Variants in ITSN2 observed in about 807,000 individuals in gnomAD.
ITSN2 encodes intersectin 2, also known as intersectin-2.
A neutral mutation model predicts 243.7 loss-of-function variants in ITSN2; 156 were observed. That is an observed-to-expected ratio of 0.64 (90% CI 0.56 to 0.73). The LOEUF is 0.73. Ranked by LOEUF, ITSN2 falls within the 30% of genes least tolerant of loss-of-function variation. The probability of loss-of-function intolerance (pLI) is 0.00; values close to 1 mark genes in which losing one functional copy is unlikely to be tolerated. For synonymous variants in ITSN2, 703 were observed against 699.9 expected, an observed-to-expected ratio of 1.00 and a Z score of -0.07; for missense variants, 1,801 against 1,996.1, an observed-to-expected ratio of 0.90 and a Z score of 1.86.
intron 10 of ITSN2, 22 bp downstream of exon 10, chr2:24,301,943 C>A: frequency 6.3e-7 from 1 of 1,591,422 alleles, no homozygotes; most frequent in Non-Finnish European, 8.6e-7. Flanking sequence ...AACCATAGTT[C>A]TCCACCTCCA....
At chr2:24,304,770 G>A (rs904785552) in intron 8 of ITSN2, among the ~76,000 whole-genome samples, 4 of 151,828 alleles carry the variant, frequency 2.6e-5, no homozygotes, top group African/African-American at 9.7e-5. Context: ...ACAGAAGAGA[G>A]AAGGAGGAGG....
At chr2:24,334,867 T>C (rs1686177910) in intron 1 of ITSN2, 3 of 541,446 alleles carry the variant, frequency 5.5e-6, no homozygotes, top group East Asian at 8.5e-5. Flanking sequence ...ATCGAGACCA[T>C]CCTGGCTAAC....
rs1397785004 is a variant in ITSN2, at chr2:24,216,114, G to A, written c.3925C>T (p.Leu1309Phe). The change falls in exon 32 of 40, where the codon CTT becomes TTT. Residue 1309 changes from leucine (L) to phenylalanine (F), a missense_variant. Leu to Phe is a conservative substitution (Grantham distance 22). Coordinates refer to ENST00000355123, the MANE Select transcript of ITSN2 (RefSeq NM_006277.3). ...QAYIRFCSCQLNGAALLQQKT... is the reference protein window; with the variant it reads ...QAYIRFCSCQFNGAALLQQKT... The stretch of plus-strand genomic sequence containing the variant: ...TGCTGTAACAGAGCTGCTCCATTAA[G>A]CTGGCAGCTGCAGAACCTGATGTAA... The A allele has an allele frequency of 1.2e-6, 2 of 1,613,172 alleles. No individual in the cohort carries two copies. The highest frequency in any genetic ancestry group is 3.3e-5 in the Admixed American group (2 of 59,930).
rs752646343 is a variant in ITSN2, at chr2:24,310,438, T to C, written c.556+51A>G. The C allele has an allele frequency of 3.1e-6, 5 of 1,607,032 alleles. No homozygotes were observed. The South Asian group carries it at 3.3e-5, about 11-fold the overall frequency. ...AAATTTGTATCTGTTCAAACACAAA[T>C]AGTTTCTTTCTTTACATGAAATAAT... On this transcript the variant is annotated intron_variant, in intron 6 of 39. Coordinates refer to ENST00000355123, the MANE Select transcript of ITSN2 (RefSeq NM_006277.3).
At position 24,203,282 on chromosome 2, in the gene ITSN2, G is replaced by C. The variant is rs571382366; in HGVS notation, c.*344C>G. The stretch of plus-strand genomic sequence containing the variant: ...TTACAGCGTCACCAAACCACTCCAC[G>C]GTGGACACATTCAACCGAGCGGTAA... On this transcript the variant is annotated 3_prime_UTR_variant, in exon 40 of 40. Coordinates refer to ENST00000355123, the MANE Select transcript of ITSN2 (RefSeq NM_006277.3). 2 of 188,352 alleles carry C rather than the reference G, an allele frequency of 1.1e-5. No individual in the cohort carries two copies. 11.7% of individuals were successfully genotyped at this position (188,352 alleles called of 1,614,324 possible). A position where few individuals can be genotyped will look rare whatever the true frequency, so the allele number is the denominator to read the frequency against.
chr2:24,224,994 T>C (rs1297710294), intron 29 of ITSN2, among the ~76,000 whole-genome samples: 1 of 152,142 alleles, frequency 6.6e-6, no homozygotes, highest in Non-Finnish European at 1.5e-5. Flanking sequence ...TTCCAGATGC[T>C]CTTACCTCTG....
At chr2:24,356,903 C>CAAA (rs148234669) in intron 1 of ITSN2, among the ~76,000 whole-genome samples, 3,367 of 120,384 alleles carry the variant, frequency 0.028, 46 homozygotes, top group Non-Finnish European at 0.041. Context: ...GACTCCGTCT[C>CAAA]AAAAAAAAAA....
Position 24,317,934 on chromosome 2 carries a change from C to G in ITSN2, c.32-2710G>C, listed in dbSNP as rs536455145. Among the ~76,000 whole-genome samples the G allele has an allele frequency of 1.2e-4, 18 of 152,244 alleles. No individual in the cohort carries two copies. In the South Asian group the frequency reaches 2.1e-3, roughly 18 times the overall value. The stretch of plus-strand genomic sequence containing the variant: ...TATCAGTGGTGCCTCAAACTATTGA[C>G]AGTATTTTTTTGTTTTTCACATAGA... On this transcript the variant is annotated intron_variant, in intron 2 of 39. Transcript: ENST00000355123.
rs59263869 is a variant in ITSN2 at position 24,299,230 on chromosome 2, A to G, written c.1345-416T>C. Among the ~76,000 whole-genome samples, 341 of 152,100 alleles carry G rather than the reference A, an allele frequency of 2.2e-3. 2 individuals are homozygous for G. The highest frequency in any genetic ancestry group is 7.7e-3 in the African/African-American group (318 of 41,494). On this transcript the variant is annotated intron_variant, in intron 12 of 39. Transcript: ENST00000355123. ...GTACTTTTTGTAGAGAGAGGGTTTC[A>G]CCATGTTGCCCAGGTTGGAAGACCA... is the stretch of plus-strand genomic sequence containing the variant.
At chr2:24,358,334 T>C (rs902437600) in intron 1 of ITSN2, among the ~76,000 whole-genome samples, 20 of 152,222 alleles carry the variant, frequency 1.3e-4, no homozygotes, top group African/African-American at 4.6e-4. Context: ...AGACCTAAAG[T>C]AGTCAAACTT....
At chr2:24,348,896 T>G (rs767163627) in intron 1 of ITSN2, among the ~76,000 whole-genome samples, 3 of 152,172 alleles carry the variant, frequency 2.0e-5, no homozygotes, top group Non-Finnish European at 4.4e-5. Flanking sequence ...ACAAATAAAG[T>G]ATACTATCGC....
chr2:24,334,770 G>A (rs987847712), intron 1 of ITSN2: 1 of 1,521,292 alleles, frequency 6.6e-7, no homozygotes, highest in African/African-American at 1.4e-5. Context: ...GCTATTAAAA[G>A]ATGCAAGCAT....
rs1682118048 is a variant in ITSN2, at chr2:24,303,781, A to G, written c.857+18T>C. Reference sequence around the variant, plus strand: ...TGCATAGTTAAATTAATCAAATGTAATTAAGGGACAAACTTACCAAATAGT... The same window carrying G: ...TGCATAGTTAAATTAATCAAATGTAGTTAAGGGACAAACTTACCAAATAGT... On this transcript the variant is annotated intron_variant, in intron 9 of 39. Transcript: ENST00000355123. The G allele has an allele frequency of 6.7e-7, 1 of 1,488,640 alleles. No individual in the cohort carries two copies. The highest frequency in any genetic ancestry group is 1.1e-5 in the South Asian group (1 of 88,512). The allele number at this position is 1,488,640 out of a possible 1,614,324, so 92.2% of individuals were successfully genotyped here.
At chr2:24,330,343 G>C (rs1574336039) in intron 1 of ITSN2, 1 of 487,032 alleles carries the variant, frequency 2.1e-6, no homozygotes, top group East Asian at 5.1e-5. Context: ...ACTGACCAAA[G>C]CCTGCATGCC....
chr2:24,204,847 C>T lies in ITSN2; in HGVS notation c.4762+367G>A, dbSNP rs959553647. ...TTTATTCAGTGTTCAGAAGAGTCATCAGTGGCTGGGCGCAGTGGCACTTTG... is the reference window on the plus strand; with the variant it reads ...TTTATTCAGTGTTCAGAAGAGTCATTAGTGGCTGGGCGCAGTGGCACTTTG... On this transcript the variant is annotated intron_variant, in intron 38 of 39. Transcript: ENST00000355123. The surrounding 1 kb of genome is among the most constrained non-coding windows in gnomAD (Gnocchi z 5.1). 2.4e-5 allele frequency: 10 copies of T among 416,360 alleles called. No homozygotes were observed. The highest frequency in any genetic ancestry group is 1.4e-4 in the African/African-American group (7 of 49,506). 25.8% of individuals were successfully genotyped at this position (416,360 alleles called of 1,614,324 possible).
intron 29 of ITSN2, among the ~76,000 whole-genome samples, chr2:24,222,029 T>G (rs534412431): frequency 4.5e-4 from 69 of 152,056 alleles, no homozygotes; most frequent in East Asian, 2.9e-3. Context: ...AAGGTGGGTG[T>G]ATCACGAGGT....
At position 24,249,390 on chromosome 2, in the gene ITSN2, C is replaced by CA. The variant is rs953621849; in HGVS notation, c.3121-509dup. On this transcript the variant is annotated intron_variant, in intron 25 of 39. Coordinates refer to ENST00000355123, the MANE Select transcript of ITSN2 (RefSeq NM_006277.3). The surrounding 1 kb of genome is among the most constrained non-coding windows in gnomAD (Gnocchi z 4.4). ...AAACTGACTGAATCTGACCTAAGAA[C>CA]AAAAAATCCCTATCCTGTGTAGCAA... 2.0e-5 allele frequency among the ~76,000 whole-genome samples: 3 copies of CA among 152,046 alleles called. No homozygotes were observed. Among genetic ancestry groups the CA allele is most frequent in the Non-Finnish European group, 4.4e-5 (3 of 67,976 alleles).
rs746965329 is a variant in ITSN2 at position 24,216,096 on chromosome 2, A to G, written c.3943T>C (p.Leu1315=). Residue 1315 remains leucine, a synonymous_variant, in exon 32 of 40, where the codon TTA becomes CTA. Transcript: ENST00000355123. ...CSCQLNGAAL[L]QQKTDEDTDF... is the part of the protein sequence containing the mutation. ...GTGTCTTCATCTGTCTTCTGCTGTA[A>G]CAGAGCTGCTCCATTAAGCTGGCAG... 4.3e-6 allele frequency: 7 copies of G among 1,611,686 alleles called. No homozygotes were observed. In the African/African-American group the frequency reaches 5.4e-5, roughly 12 times the overall value.
rs141170496 is a variant in ITSN2, at chr2:24,214,880, T to G, written c.3990+1169A>C. Among the ~76,000 whole-genome samples, 5 of 152,156 alleles carry G rather than the reference T, an allele frequency of 3.3e-5. No homozygotes were observed. In the East Asian group the frequency reaches 9.6e-4, roughly 29 times the overall value. ...AGTACTGATATGGCTGTTTAATATA[T>G]CCCAATATGCAGTATTTCATGAACA... On this transcript the variant is annotated intron_variant, in intron 32 of 39. Coordinates refer to ENST00000355123, the MANE Select transcript of ITSN2 (RefSeq NM_006277.3).
Sources: gnomAD v4.1 joint callset for allele counts (sites outside exome capture counted in the v4.1 genomes callset) on GRCh38, gnomAD v4.1.1 for gene constraint, Gnocchi (gnomAD v3.1) non-coding constraint, MANE v1.5 for transcripts, NCBI Gene and HGNC (gene_info 2026-07-23, HGNC 2026-07-21) for gene names.